GPC5: variants seen among roughly 807,000 people sequenced by gnomAD.
GPC5 encodes the protein glypican 5, also known as glypican-5.
GPC5 carries 47 observed loss-of-function variants against 53.9 expected under a neutral mutation model. That is an observed-to-expected ratio of 0.87 (90% CI 0.69 to 1.11). The LOEUF is 1.11. GPC5 is among the 50% of genes most tolerant of loss of function. GPC5 has a pLI of 0.00. For missense variants in GPC5, 748 were observed against 713.1 expected, an observed-to-expected ratio of 1.05 and a Z score of -0.56; for synonymous variants, 286 against 263.3, an observed-to-expected ratio of 1.09 and a Z score of -0.84.
intron 7 of GPC5, among the ~76,000 whole-genome samples, chr13:92,287,265 T>C (rs917292117): frequency 3.3e-5 from 5 of 152,196 alleles, no homozygotes; most frequent in African/African-American, 1.2e-4. Context: ...TGAAAGTTGT[T>C]TTATGGATAA....
chr13:91,957,879 C>T (rs535589068), intron 6 of GPC5, among the ~76,000 whole-genome samples: 23 of 150,674 alleles, frequency 1.5e-4, no homozygotes, highest in African/African-American at 2.9e-4. Flanking sequence ...GCAAACATTA[C>T]GAAAAAAGGA....
chr13:91,980,335 A>G (rs2040345907), intron 6 of GPC5, among the ~76,000 whole-genome samples: 1 of 152,212 alleles, frequency 6.6e-6, no homozygotes, highest in African/African-American at 2.4e-5. Flanking sequence ...TATTCCCCAC[A>G]GTAATTCAAC....
intron 7 of GPC5, among the ~76,000 whole-genome samples, chr13:92,184,237 A>G (rs2042167161): frequency 6.6e-6 from 1 of 152,198 alleles, no homozygotes; most frequent in African/African-American, 2.4e-5. Context: ...GAAATCTCTC[A>G]TTAATTATAT....
intron 7 of GPC5, among the ~76,000 whole-genome samples, chr13:92,222,844 A>G (rs1470214393): frequency 6.6e-6 from 1 of 152,184 alleles, no homozygotes; most frequent in African/African-American, 2.4e-5. Context: ...TAGCATTTTT[A>G]TGACAAAATT....
chr13:91,520,187 G>T (rs1267681522), intron 2 of GPC5, among the ~76,000 whole-genome samples: 2 of 152,106 alleles, frequency 1.3e-5, no homozygotes, highest in Admixed American at 1.3e-4. Flanking sequence ...AATATAAATT[G>T]ATTTTAAAGA....
chr13:91,498,841 C>A (rs573998260), intron 2 of GPC5, among the ~76,000 whole-genome samples: 1 of 151,936 alleles, frequency 6.6e-6, no homozygotes, highest in South Asian at 2.1e-4. Flanking sequence ...CGTGGTGGTG[C>A]CTGCCTATGA....
chr13:92,768,068 T>C (rs552668134), intron 7 of GPC5, among the ~76,000 whole-genome samples: 1 of 152,268 alleles, frequency 6.6e-6, no homozygotes, highest in African/African-American at 2.4e-5. Context: ...AAACCCTCAA[T>C]CCAGATAAAT....
rs566609137 is a variant in GPC5, at chr13:92,263,080, G to A, written c.1561+118091G>A. ...AGCCATCTTAACTCACTGTGGAGAA[G>A]TTCAAAGTCTCTCTTCATTGTACAG... is the stretch of plus-strand genomic sequence containing the variant. On this transcript the variant is annotated intron_variant, in intron 7 of 7. Transcript: ENST00000377067. Among the ~76,000 whole-genome samples the A allele has an allele frequency of 3.9e-5, 6 of 152,174 alleles. No individual in the cohort carries two copies. The East Asian group carries it at 9.6e-4, about 24-fold the overall frequency.
intron 2 of GPC5, among the ~76,000 whole-genome samples, chr13:91,564,588 G>A (rs2031440222): frequency 6.6e-6 from 1 of 152,160 alleles, no homozygotes; most frequent in South Asian, 2.1e-4. Flanking sequence ...AATCTCATGA[G>A]CATGTAACTC....
At chr13:91,478,548 T>C (rs1357885856) in intron 2 of GPC5, among the ~76,000 whole-genome samples, 3 of 151,794 alleles carry the variant, frequency 2.0e-5, no homozygotes, top group Non-Finnish European at 4.4e-5. Flanking sequence ...CATTTTATCT[T>C]GAAATTTGCT....
At chr13:92,626,170 TA>T (rs1246100492) in intron 7 of GPC5, among the ~76,000 whole-genome samples, 3 of 152,206 alleles carry the variant, frequency 2.0e-5, no homozygotes, top group Non-Finnish European at 4.4e-5. Flanking sequence ...CTGATGAAGC[TA>T]AAAATAATTT....
chr13:91,542,951 G>A (rs1204725251), intron 2 of GPC5, among the ~76,000 whole-genome samples: 1 of 151,096 alleles, frequency 6.6e-6, no homozygotes, highest in African/African-American at 2.4e-5. Context: ...CCGCCTCCTG[G>A]GTTCATGCCA....
At chr13:91,457,262 A>G (rs560869483) in intron 2 of GPC5, among the ~76,000 whole-genome samples, 5 of 152,126 alleles carry the variant, frequency 3.3e-5, no homozygotes, top group Admixed American at 1.3e-4. Context: ...CATTTTCAGT[A>G]TTTTGAGGTC....
At position 91,727,339 on chromosome 13, in the gene GPC5, C is replaced by A. The variant is rs141028697; in HGVS notation, c.1021-1193C>A. ...TGATATCCTTCTTCACCCACCACCCCCACTGGGCAAGGATCCCACCTCTCT... is the reference window on the plus strand; with the variant it reads ...TGATATCCTTCTTCACCCACCACCCACACTGGGCAAGGATCCCACCTCTCT... On this transcript the variant is annotated intron_variant, in intron 3 of 7. Coordinates refer to ENST00000377067, the MANE Select transcript of GPC5 (RefSeq NM_004466.6). Among the ~76,000 whole-genome samples the A allele has an allele frequency of 2.2e-3, 341 of 152,270 alleles. 6 individuals carry two copies. The highest frequency in any genetic ancestry group is 7.7e-3 in the African/African-American group (318 of 41,564).
chr13:92,301,817 G>C (rs1296411276), intron 7 of GPC5, among the ~76,000 whole-genome samples: 3 of 152,144 alleles, frequency 2.0e-5, no homozygotes, highest in African/African-American at 7.2e-5. Context: ...AGAATCACTT[G>C]AACCCAGGAG....
intron 7 of GPC5, among the ~76,000 whole-genome samples, chr13:92,172,706 A>G (rs1471766352): frequency 6.6e-6 from 1 of 152,132 alleles, no homozygotes; most frequent in Non-Finnish European, 1.5e-5. Context: ...AGTTCTTCTC[A>G]TTACTTAAAA....
At chr13:92,186,607 A>T (rs2042185589) in intron 7 of GPC5, among the ~76,000 whole-genome samples, 1 of 152,210 alleles carries the variant, frequency 6.6e-6, no homozygotes, top group South Asian at 2.1e-4. Flanking sequence ...TATTCAGGGA[A>T]TTAAATGAGA....
intron 2 of GPC5, among the ~76,000 whole-genome samples, chr13:91,613,187 C>G (rs935647189): frequency 2.0e-5 from 3 of 152,146 alleles, no homozygotes; most frequent in Non-Finnish European, 4.4e-5. Context: ...TGTTAATGCT[C>G]CTGATAAACA....
At chr13:92,657,243 T>C (rs1427019598) in intron 7 of GPC5, among the ~76,000 whole-genome samples, 1 of 152,054 alleles carries the variant, frequency 6.6e-6, no homozygotes, top group Non-Finnish European at 1.5e-5. Flanking sequence ...GTATGATAAA[T>C]ATATTTAAAT....
Sources: gnomAD v4.1 joint callset for allele counts (sites outside exome capture counted in the v4.1 genomes callset) on GRCh38, gnomAD v4.1.1 for gene constraint, MANE v1.5 for transcripts, NCBI Gene and HGNC (gene_info 2026-07-23, HGNC 2026-07-21) for gene names.